ZFHX3: variants seen among roughly 807,000 people sequenced by gnomAD.
The protein encoded by ZFHX3 is zinc finger homeobox 3, also known as zinc finger homeobox protein 3.
Under a neutral mutation model 279.1 loss-of-function variants are expected in ZFHX3, and 42 were observed. The observed-to-expected ratio is 0.15, with a 90% CI of 0.12 to 0.19. The LOEUF (loss-of-function observed/expected upper bound fraction) is 0.19, where lower values mean the gene tolerates loss of function less well. Ranked by LOEUF, ZFHX3 falls within the 10% of genes least tolerant of loss-of-function variation. ZFHX3 has a pLI of 1.00. For missense variants in ZFHX3, 4,981 were observed against 4,754.0 expected (o/e 1.05, Z -1.40); for synonymous variants, 2,293 against 1,957.8 (o/e 1.17, Z -4.52).
intron 2 of ZFHX3, among the ~76,000 whole-genome samples, chr16:73,558,680 C>T (rs1008908928): frequency 5.9e-5 from 9 of 151,672 alleles, no homozygotes; most frequent in African/African-American, 1.2e-4. Flanking sequence ...CCCCTCCCCC[C>T]ACACGCACAT....
chr16:72,871,458 C>T (rs1290449190), intron 4 of ZFHX3, among the ~76,000 whole-genome samples: 1 of 151,990 alleles, frequency 6.6e-6, no homozygotes, highest in Non-Finnish European at 1.5e-5. Context: ...TTTCCTGCCT[C>T]AGCCTCCCAA....
At chr16:72,858,124 C>A (rs1370005815) in intron 4 of ZFHX3, among the ~76,000 whole-genome samples, 1 of 152,186 alleles carries the variant, frequency 6.6e-6, no homozygotes, top group Non-Finnish European at 1.5e-5. Flanking sequence ...GTGCCCCCAT[C>A]CCATACCCTA....
intron 1 of ZFHX3, among the ~76,000 whole-genome samples, chr16:73,784,808 T>TACACACACACAC (rs1344909710): frequency 1.4e-3 from 193 of 135,690 alleles, no homozygotes; most frequent in African/African-American, 5.2e-3. Context: ...TATATATATA[T>TACACACACACAC]ATATATATAC....
chr16:72,946,856 A>C (rs1449376277), intron 3 of ZFHX3, among the ~76,000 whole-genome samples: 2 of 152,202 alleles, frequency 1.3e-5, no homozygotes, highest in Non-Finnish European at 2.9e-5. Flanking sequence ...ATACATTTAC[A>C]TGTGAAAGCA....
At chr16:73,450,915 C>T (rs1035412803) in intron 3 of ZFHX3, among the ~76,000 whole-genome samples, 1 of 152,134 alleles carries the variant, frequency 6.6e-6, no homozygotes, top group Non-Finnish European at 1.5e-5. Context: ...CTTTAGCTTT[C>T]TGTTGAGCTT....
intron 3 of ZFHX3, among the ~76,000 whole-genome samples, chr16:73,344,907 G>C (rs927428103): frequency 2.0e-5 from 3 of 152,204 alleles, no homozygotes; most frequent in Non-Finnish European, 4.4e-5. Flanking sequence ...ATCTTTGAGA[G>C]TGGGCAACTG....
chr16:72,792,795 G>A (rs2035757023), intron 9 of ZFHX3, among the ~76,000 whole-genome samples: 1 of 152,162 alleles, frequency 6.6e-6, no homozygotes, highest in Admixed American at 6.5e-5. Flanking sequence ...AGAAGGCAGG[G>A]ACCCCAGGTG....
chr16:73,002,779 A>G (rs1963549123), intron 1 of ZFHX3, among the ~76,000 whole-genome samples: 1 of 152,208 alleles, frequency 6.6e-6, no homozygotes, highest in African/African-American at 2.4e-5. Context: ...ATAATCTCCA[A>G]AAAGCCTCCA....
intron 4 of ZFHX3, among the ~76,000 whole-genome samples, chr16:73,301,507 A>T (rs1168047362): frequency 2.6e-5 from 4 of 152,192 alleles, no homozygotes; most frequent in African/African-American, 9.7e-5. Flanking sequence ...TGGAACCTCC[A>T]TCAGTCGTGC....
chr16:72,879,878 C>G (rs530885804), intron 4 of ZFHX3, among the ~76,000 whole-genome samples: 1 of 152,324 alleles, frequency 6.6e-6, no homozygotes, highest in Admixed American at 6.5e-5. Context: ...TGTCAGTCCT[C>G]TTGGTGTTTG....
intron 1 of ZFHX3, among the ~76,000 whole-genome samples, chr16:73,871,642 T>C (rs181227211): frequency 6.6e-6 from 1 of 152,142 alleles, no homozygotes; most frequent in East Asian, 1.9e-4. Flanking sequence ...AATAATAACC[T>C]GAAAAGATGA....
At chr16:73,020,603 T>C (rs1010227059) in intron 1 of ZFHX3, among the ~76,000 whole-genome samples, 2 of 152,216 alleles carry the variant, frequency 1.3e-5, no homozygotes, top group African/African-American at 4.8e-5. Flanking sequence ...TTGTCGACCA[T>C]GACTCAGCAA....
chr16:73,178,661 T>C (rs78107731), intron 5 of ZFHX3, among the ~76,000 whole-genome samples: 4,036 of 152,302 alleles, frequency 0.026, 190 homozygotes, highest in African/African-American at 0.093. Flanking sequence ...TATTTTATTT[T>C]TATTTTTGTT....
At chr16:73,818,339 T>C (rs912753405) in intron 1 of ZFHX3, among the ~76,000 whole-genome samples, 1 of 152,200 alleles carries the variant, frequency 6.6e-6, no homozygotes, top group Non-Finnish European at 1.5e-5. Context: ...TGGAAGTTTG[T>C]GGCAAGGTGA....
chr16:73,429,797 A>T (rs1215010397), intron 3 of ZFHX3, among the ~76,000 whole-genome samples: 1 of 152,144 alleles, frequency 6.6e-6, no homozygotes, highest in Non-Finnish European at 1.5e-5. Flanking sequence ...GGCTGCTCAC[A>T]GCTCCCTGGG....
intron 3 of ZFHX3, among the ~76,000 whole-genome samples, chr16:73,338,024 A>C (rs999235328): frequency 3.3e-5 from 5 of 151,812 alleles, no homozygotes; most frequent in Admixed American, 2.6e-4. Context: ...CTCCTTGATC[A>C]TCAAAACCCT....
intron 2 of ZFHX3, among the ~76,000 whole-genome samples, chr16:73,643,465 T>C (rs1009566395): frequency 9.9e-5 from 15 of 152,234 alleles, no homozygotes; most frequent in African/African-American, 3.6e-4. Context: ...TTATTTTACC[T>C]ACTGATGTGG....
intron 3 of ZFHX3, among the ~76,000 whole-genome samples, chr16:73,338,190 TG>T (rs1343411416): frequency 6.6e-6 from 1 of 152,080 alleles, no homozygotes; most frequent in African/African-American, 2.4e-5. Context: ...TGACCACAAG[TG>T]TCACGTGGAC....
At chr16:73,171,499 G>A (rs1038614067) in intron 5 of ZFHX3, among the ~76,000 whole-genome samples, 4 of 137,948 alleles carry the variant, frequency 2.9e-5, no homozygotes, top group African/African-American at 7.8e-5. Context: ...ATGGCGGGGG[G>A]GGCGGGGTGG....
Sources: gnomAD v4.1 joint callset for allele counts (sites outside exome capture counted in the v4.1 genomes callset) on GRCh38, gnomAD v4.1.1 for gene constraint, MANE v1.5 for transcripts, NCBI Gene and HGNC (gene_info 2026-07-23, HGNC 2026-07-21) for gene names.